The following SLC12A6 variants were observed in gnomAD, a reference collection of about 807,000 sequenced individuals.
The protein encoded by SLC12A6 is solute carrier family 12 member 6.
Under a neutral mutation model 135.3 loss-of-function variants are expected in SLC12A6, and 66 were observed. The ratio of observed to expected loss-of-function variants is 0.49; its 90% CI spans 0.40 to 0.60. SLC12A6 has a LOEUF of 0.60. SLC12A6 is among the 20% of genes least tolerant of loss of function. SLC12A6 has a pLI of 0.00. For synonymous variants in SLC12A6, 513 were observed against 508.8 expected (o/e 1.01, Z -0.11); for missense variants, 1,058 against 1,452.3 (o/e 0.73, Z 4.41).
chr15:34,237,492 A>G lies in SLC12A6; in HGVS notation c.2861T>C (p.Ile954Thr). ...GGTGGCTAGGTCCTTCTTCATTTGG[A>G]TACTGTTGTCTTCTAATTGGGCTAC... ...FTVAQLEDNS[I>T]QMKKDLATFL... The change falls in exon 22 of 26, where the codon ATC (isoleucine) becomes ACC (threonine). Residue 954 changes from isoleucine to threonine, a missense_variant. Transcript: ENST00000354181. 1 of 1,612,540 alleles carries G rather than the reference A, an allele frequency of 6.2e-7. No homozygotes were observed. Among genetic ancestry groups the G allele is most frequent in the Non-Finnish European group, 8.5e-7 (1 of 1,178,688 alleles).
chr15:34,306,004 G>T (rs1017135128), intron 2 of SLC12A6, among the ~76,000 whole-genome samples: 7 of 151,538 alleles, frequency 4.6e-5, no homozygotes, highest in Non-Finnish European at 8.8e-5. Context: ...CTCGTGATCC[G>T]CCCGCCTCGG....
chr15:34,291,873 A>C (rs984173541), intron 2 of SLC12A6, among the ~76,000 whole-genome samples: 1 of 152,024 alleles, frequency 6.6e-6, no homozygotes, highest in Admixed American at 6.6e-5. Flanking sequence ...TATTCTAGTT[A>C]ACCATTTGTC....
At chr15:34,248,123 G>T (rs541422644) in intron 13 of SLC12A6, among the ~76,000 whole-genome samples, 1 of 152,074 alleles carries the variant, frequency 6.6e-6, no homozygotes, top group South Asian at 2.1e-4. Flanking sequence ...TTTTTGGGGG[G>T]AGGTGTATAT....
chr15:34,233,562 A>G lies in SLC12A6; in HGVS notation c.*319T>C. 1 of 308,022 alleles carries G rather than the reference A, an allele frequency of 3.2e-6. No homozygotes were observed. Among genetic ancestry groups the G allele is most frequent in the Non-Finnish European group, 6.3e-6 (1 of 158,876 alleles). 19.1% of individuals were successfully genotyped at this position (308,022 alleles called of 1,614,324 possible). A position where few individuals can be genotyped will look rare whatever the true frequency, so the allele number is the denominator to read the frequency against. On this transcript the variant is annotated 3_prime_UTR_variant, in exon 26 of 26. Transcript: ENST00000354181. ...TTGACTTGCTTTTTTTCTTCAGTTG[A>G]ATTTCTAGCATCCCTTTTACCAATT...
chr15:34,323,109 T>C (rs1194621141), intron 2 of SLC12A6, among the ~76,000 whole-genome samples: 1 of 141,536 alleles, frequency 7.1e-6, no homozygotes, highest in African/African-American at 2.7e-5. Context: ...TGGGAGAAAA[T>C]ATTCATAAAA....
At chr15:34,315,321 C>A (rs554997508) in intron 2 of SLC12A6, among the ~76,000 whole-genome samples, 88 of 152,260 alleles carry the variant, frequency 5.8e-4, no homozygotes, top group African/African-American at 2.0e-3. Context: ...TTCAGCAGCC[C>A]ACCCTGCAGC....
chr15:34,241,483 A>C, intron 17 of SLC12A6, 146 bp from the exon 18 acceptor site: 1 of 638,318 alleles, frequency 1.6e-6, no homozygotes, highest in Non-Finnish European at 2.8e-6. Context: ...AATGTTCTTT[A>C]CTAACATAAT....
At chr15:34,294,835 A>AT (rs11405483) in intron 2 of SLC12A6, among the ~76,000 whole-genome samples, 4,154 of 151,860 alleles carry the variant, frequency 0.027, 192 homozygotes, top group African/African-American at 0.095. Flanking sequence ...GATTACAGGC[A>AT]TGAGCCACCA....
At chr15:34,327,049 T>G (rs755355381) in intron 2 of SLC12A6, among the ~76,000 whole-genome samples, 5 of 152,064 alleles carry the variant, frequency 3.3e-5, no homozygotes, top group African/African-American at 4.8e-5. Context: ...ATTCTTCAAC[T>G]TATTATTTGT....
Position 34,260,666 on chromosome 15 carries a change from C to T in SLC12A6, c.411+260G>A, listed in dbSNP as rs557391929. 3.3e-5 allele frequency among the ~76,000 whole-genome samples: 5 copies of T among 152,328 alleles called. No individual in the cohort carries two copies. The East Asian group carries it at 9.6e-4, about 29-fold the overall frequency. Reference sequence around the variant, plus strand: ...TATTCTAATAAAAACAATTAAATCACAGCTGAATTAGATTGCAAGGTAATC... The same window carrying T: ...TATTCTAATAAAAACAATTAAATCATAGCTGAATTAGATTGCAAGGTAATC... On this transcript the variant is annotated intron_variant, in intron 4 of 25. Transcript: ENST00000354181.
intron 2 of SLC12A6, among the ~76,000 whole-genome samples, chr15:34,295,312 C>T (rs1358089070): frequency 6.6e-6 from 1 of 152,198 alleles, no homozygotes; most frequent in Non-Finnish European, 1.5e-5. Flanking sequence ...AGGTGAGATA[C>T]TAGCTCTACC....
chr15:34,263,848 C>T (rs1388177542), intron 3 of SLC12A6, among the ~76,000 whole-genome samples: 2 of 151,948 alleles, frequency 1.3e-5, no homozygotes, highest in African/African-American at 2.4e-5. Context: ...AAGGGGTTCC[C>T]AATGCCCCAA....
chr15:34,295,086 G>A (rs1344385932), intron 2 of SLC12A6, among the ~76,000 whole-genome samples: 3 of 152,178 alleles, frequency 2.0e-5, no homozygotes, highest in Non-Finnish European at 4.4e-5. Flanking sequence ...GTATGTGATA[G>A]ACACCTAAAC....
At chr15:34,252,816 T>C (rs934322127) in intron 9 of SLC12A6, among the ~76,000 whole-genome samples, 3 of 152,240 alleles carry the variant, frequency 2.0e-5, no homozygotes, top group Admixed American at 2.0e-4. Flanking sequence ...TGAAGTCCTT[T>C]TGTTGTTCTT....
chr15:34,252,400 T>A lies in SLC12A6; in HGVS notation c.1119-16A>T. 1 of 1,479,432 alleles carries A rather than the reference T, an allele frequency of 6.8e-7. No individual in the cohort carries two copies. Among genetic ancestry groups the A allele is most frequent in the Non-Finnish European group, 9.4e-7 (1 of 1,060,032 alleles). The allele number at this position is 1,479,432 out of a possible 1,614,324, so 91.6% of individuals were successfully genotyped here. ...CATGCAGACCCTAAGTGAAAAGAAA[T>A]AGGGAGAAAGATCAAGTAAGGAAAA... is the stretch of plus-strand genomic sequence containing the variant. On this transcript the variant is annotated splice_polypyrimidine_tract_variant and intron_variant, in intron 9 of 25. Coordinates refer to ENST00000354181, the MANE Select transcript of SLC12A6 (RefSeq NM_001365088.1).
At chr15:34,261,106 G>C (rs1595452985) in intron 3 of SLC12A6, 86 bp from the exon 4 acceptor site, 1 of 772,934 alleles carries the variant, frequency 1.3e-6, no homozygotes, top group Non-Finnish European at 2.4e-6. Context: ...GGTTGCTTCG[G>C]TATTAATATA....
At chr15:34,273,968 T>C (rs1894130513) in intron 3 of SLC12A6, among the ~76,000 whole-genome samples, 1 of 152,174 alleles carries the variant, frequency 6.6e-6, no homozygotes, top group African/African-American at 2.4e-5. Flanking sequence ...TGTACATATC[T>C]TTTGAGTAAG....
intron 3 of SLC12A6, among the ~76,000 whole-genome samples, chr15:34,272,948 G>A (rs73390087): frequency 6.6e-6 from 1 of 152,280 alleles, no homozygotes; most frequent in African/African-American, 2.4e-5. Context: ...TCTTTTCATG[G>A]TCTGGCAAAA....
chr15:34,254,450 T>C lies in SLC12A6; in HGVS notation c.1016A>G (p.Tyr339Cys). ...GAAAAGTGAGGCAAACTTGTTCACA[T>C]AGCGTACGCCGATAAATACCACTAA... Reference protein sequence around the residue: ...MVLVVFIGVRYVNKFASLFLA... With the variant: ...MVLVVFIGVRCVNKFASLFLA... The change falls in exon 9 of 26, where the codon TAT becomes TGT. Residue 339 changes from tyrosine (Y) to cysteine (C), a missense_variant. Physicochemically the swap from Tyr to Cys is radical, Grantham distance 194. This residue lies in a region of SLC12A6 where 297 missense variants were observed against 318.5 expected (regional missense o/e 0.93). Transcript: ENST00000354181. 2 of 1,613,964 alleles carry C rather than the reference T, an allele frequency of 1.2e-6. No individual in the cohort carries two copies. Among genetic ancestry groups the C allele is most frequent in the Non-Finnish European group, 1.7e-6 (2 of 1,179,840 alleles).
Sources: allele counts gnomAD v4.1 joint callset (sites outside exome capture counted in the v4.1 genomes callset), GRCh38; gene constraint gnomAD v4.1.1; regional missense constraint gnomAD v4.1.1; transcripts MANE v1.5; gene names NCBI Gene and HGNC (gene_info 2026-07-23, HGNC 2026-07-21).